THNSL1: variants seen among roughly 807,000 people sequenced by gnomAD.
THNSL1 encodes threonine synthase-like 1.
Under a neutral mutation model 50.4 loss-of-function variants are expected in THNSL1, and 48 were observed. The observed-to-expected ratio is 0.95, with a 90% CI of 0.76 to 1.21. The LOEUF is 1.21. Ranked by LOEUF, THNSL1 falls within the 50% of genes most tolerant of loss-of-function variation. The pLI is 0.00. For synonymous variants in THNSL1, 309 were observed against 306.1 expected, an observed-to-expected ratio of 1.01 and a Z score of -0.10; for missense variants, 896 against 871.7, an observed-to-expected ratio of 1.03 and a Z score of -0.35.
the THNSL1 span, among the ~76,000 whole-genome samples, chr10:24,953,073 G>A: frequency 1.3e-5 from 2 of 152,022 alleles, no homozygotes; most frequent in African/African-American, 4.8e-5. Context: ...ATTGTCCCAA[G>A]CAGAAGCGTG....
In THNSL1 at chr10:25,025,472, T is replaced by C; in HGVS notation, c.*17T>C. On this transcript the variant is annotated 3_prime_UTR_variant, in exon 3 of 3. Coordinates refer to ENST00000376356, the MANE Select transcript of THNSL1 (RefSeq NM_024838.5). Reference sequence around the variant, plus strand: ...TTCATATGAAAGCTTTCAGAGTAAATTTTTTTTTCTAGCTATAAGCATGCA... The same window carrying C: ...TTCATATGAAAGCTTTCAGAGTAAACTTTTTTTTCTAGCTATAAGCATGCA... The C allele has an allele frequency of 6.3e-7, 1 of 1,576,132 alleles. No homozygotes were observed. Among genetic ancestry groups the C allele is most frequent in the Non-Finnish European group, 8.6e-7 (1 of 1,164,266 alleles).
chr10:24,977,346 G>A, the THNSL1 span, among the ~76,000 whole-genome samples: 4 of 152,158 alleles, frequency 2.6e-5, no homozygotes, highest in Admixed American at 6.5e-5. Flanking sequence ...AAAGGGACAC[G>A]AGAAAGATGT....
At chr10:25,020,973 T>G (rs368627781) in intron 1 of THNSL1, among the ~76,000 whole-genome samples, 10 of 152,190 alleles carry the variant, frequency 6.6e-5, no homozygotes, top group African/African-American at 1.9e-4. Context: ...TAAAATAAAT[T>G]GATGTTATGG....
the THNSL1 span, among the ~76,000 whole-genome samples, chr10:24,955,203 G>A: frequency 6.6e-6 from 1 of 152,136 alleles, no homozygotes; most frequent in African/African-American, 2.4e-5. Flanking sequence ...CAGATCTTGT[G>A]AGAACTCACT....
At chr10:24,984,521 T>A in the THNSL1 span, 1 of 1,195,490 alleles carries the variant, frequency 8.4e-7, no homozygotes, top group Non-Finnish European at 1.1e-6. Flanking sequence ...ATTTAATAGT[T>A]TATATGTGGA....
chr10:24,989,121 C>G, the THNSL1 span, among the ~76,000 whole-genome samples: 432 of 152,246 alleles, frequency 2.8e-3, 4 homozygotes, highest in African/African-American at 9.1e-3. Flanking sequence ...TTTTCAGCAT[C>G]ATTTAGGTGT....
chr10:24,997,833 G>T, the THNSL1 span, among the ~76,000 whole-genome samples: 5 of 144,288 alleles, frequency 3.5e-5, no homozygotes, highest in East Asian at 9.7e-4. Flanking sequence ...ATATGTTTGT[G>T]TTATATCATA....
the THNSL1 span, among the ~76,000 whole-genome samples, chr10:24,998,213 T>C: frequency 6.6e-6 from 1 of 152,160 alleles, no homozygotes; most frequent in Non-Finnish European, 1.5e-5. Context: ...GATGTTGCAT[T>C]ATTTCCTCAA....
the THNSL1 span, chr10:24,984,123 T>C: frequency 2.4e-6 from 1 of 411,284 alleles, no homozygotes; most frequent in Non-Finnish European, 4.3e-6. Flanking sequence ...TCATCTTGAT[T>C]TTGTAAGTTG....
chr10:24,974,043 T>C, the THNSL1 span, among the ~76,000 whole-genome samples: 1 of 152,076 alleles, frequency 6.6e-6, no homozygotes, highest in Non-Finnish European at 1.5e-5. Flanking sequence ...CTGTAATCTT[T>C]TACCATGACA....
At chr10:24,963,130 C>A in the THNSL1 span, among the ~76,000 whole-genome samples, 1 of 152,150 alleles carries the variant, frequency 6.6e-6, no homozygotes, top group African/African-American at 2.4e-5. Flanking sequence ...CCTAGGTCAC[C>A]TTTTCCAGAG....
At chr10:25,002,582 T>C in the THNSL1 span, among the ~76,000 whole-genome samples, 1 of 152,334 alleles carries the variant, frequency 6.6e-6, no homozygotes, top group South Asian at 2.1e-4. Flanking sequence ...AACTGTTGTT[T>C]CATATATTTT....
chr10:24,972,522 A>AAAATAATAATAAT, the THNSL1 span, among the ~76,000 whole-genome samples: 2 of 150,070 alleles, frequency 1.3e-5, no homozygotes, highest in African/African-American at 5.0e-5. Flanking sequence ...AAAAAAAAAT[A>AAAATAATAATAAT]AATAATAATA....
chr10:24,967,679 A>G, the THNSL1 span, among the ~76,000 whole-genome samples: 1 of 150,166 alleles, frequency 6.7e-6, no homozygotes, highest in African/African-American at 2.5e-5. Flanking sequence ...ATGTGTGTGT[A>G]TGATGTGTCC....
chr10:24,976,690 C>T, the THNSL1 span, among the ~76,000 whole-genome samples: 1 of 151,996 alleles, frequency 6.6e-6, no homozygotes, highest in Non-Finnish European at 1.5e-5. Flanking sequence ...ACAGGGTTTT[C>T]ACCATGTTGG....
upstream of THNSL1, among the ~76,000 whole-genome samples, chr10:25,012,256 G>C (rs954078266): frequency 6.6e-6 from 1 of 152,238 alleles, no homozygotes; most frequent in African/African-American, 2.4e-5. Flanking sequence ...GAGAACCTCT[G>C]CTAGGGCAGT....
At chr10:24,986,456 G>A in the THNSL1 span, among the ~76,000 whole-genome samples, 2 of 152,176 alleles carry the variant, frequency 1.3e-5, no homozygotes, top group African/African-American at 2.4e-5. Context: ...CAGTGTATGC[G>A]ATGTATTCCA....
chr10:25,018,438 T>G (rs1453228656), intron 1 of THNSL1, among the ~76,000 whole-genome samples: 2 of 152,232 alleles, frequency 1.3e-5, no homozygotes, highest in African/African-American at 4.8e-5. Context: ...GGCCAAGTGG[T>G]TATGTTGCAA....
chr10:24,988,306 TTA>T, the THNSL1 span, among the ~76,000 whole-genome samples: 2 of 145,082 alleles, frequency 1.4e-5, no homozygotes, highest in Non-Finnish European at 3.0e-5. Context: ...GTATATATAT[TTA>T]TATGTGTGTA....
Sources: gnomAD v4.1 joint callset for allele counts (sites outside exome capture counted in the v4.1 genomes callset) on GRCh38, gnomAD v4.1.1 for gene constraint, MANE v1.5 for transcripts, NCBI Gene and HGNC (gene_info 2026-07-23, HGNC 2026-07-21) for gene names.